ZNF764: variants seen among roughly 807,000 people sequenced by gnomAD.
ZNF764 encodes zinc finger protein 764.
ZNF764 carries 10 observed loss-of-function variants against 13.9 expected under a neutral mutation model. That is an observed-to-expected ratio of 0.72 (90% CI 0.44 to 1.22). ZNF764 has a LOEUF of 1.22. Among genes scored for constraint, ZNF764 ranks in the 50% most tolerant of loss-of-function variants. ZNF764 has a pLI of 0.00. For synonymous variants in ZNF764, 313 were observed against 255.1 expected (o/e 1.23, Z -2.16); for missense variants, 647 against 589.7 (o/e 1.10, Z -1.01).
chr16:30,555,395 G>T lies in ZNF764; in HGVS notation c.1023C>A (p.Pro341=). ...GGCGGCCGCACTGCGGGCAGGGGTA[G>T]GGCTTCTCGCCGCTGTGGGTGCGCC... The part of the protein sequence containing the change: ...AHRRTHSGEK[P]YPCPQCGRRF... The change falls in exon 3 of 3, where the codon CCC becomes CCA. Residue 341 remains proline, a synonymous_variant. Transcript: ENST00000395091. 3 of 1,568,186 alleles carry T rather than the reference G, an allele frequency of 1.9e-6. No homozygotes were observed. The highest frequency in any genetic ancestry group is 1.7e-6 in the Non-Finnish European group (2 of 1,152,962).
In ZNF764 at chr16:30,555,806, G is replaced by C; in HGVS notation, c.612C>G (p.Cys204Trp). The C allele has an allele frequency of 6.2e-7, 1 of 1,611,284 alleles. No individual in the cohort carries two copies. The highest frequency in any genetic ancestry group is 8.5e-7 in the Non-Finnish European group (1 of 1,179,884). Residue 204 changes from cysteine to tryptophan, a missense_variant, in exon 3 of 3, where the codon TGC becomes TGG. Transcript: ENST00000395091. ...GGCCGAAGCCCTTGCCGCAGTCAGT[G>C]CAGTGGAAGGGCTTCTCGCCAGTGT... Reference protein sequence around the residue: ...YSHTGEKPFHCTDCGKGFGHA... With the variant: ...YSHTGEKPFHWTDCGKGFGHA...
Position 30,555,606 on chromosome 16 carries a change from G to GT in ZNF764, c.811_812insA (p.Ser271TyrfsTer146). 6.5e-7 allele frequency: 1 copy of GT among 1,549,260 alleles called. No individual in the cohort carries two copies. Among genetic ancestry groups the GT allele is most frequent in the Non-Finnish European group, 8.7e-7 (1 of 1,152,724 alleles). ...CACGCGCCGGTGCTGGTAGAGGGCA[G>GT]AGCTCTGGCTGAAGCGGCGGCCACA... On this transcript the variant is annotated frameshift_variant, in exon 3 of 3. Transcript: ENST00000395091. LOFTEE classifies it low-confidence loss of function (END_TRUNC).
Position 30,556,059 on chromosome 16 carries a change from A to T in ZNF764, c.359T>A (p.Leu120Gln). The T allele has an allele frequency of 6.2e-7, 1 of 1,612,628 alleles. No individual in the cohort carries two copies. Among genetic ancestry groups the T allele is most frequent in the Non-Finnish European group, 8.5e-7 (1 of 1,180,030 alleles). The change falls in exon 3 of 3, where the codon CTG (leucine) becomes CAG (glutamine). Residue 120 changes from leucine (L) to glutamine (Q), a missense_variant. By Grantham distance (113) the Leu-to-Gln change is moderately radical. Coordinates refer to ENST00000395091, the MANE Select transcript of ZNF764 (RefSeq NM_001172679.2). ...GGCGGCCACAGGGTCGGGCTTCTCC[A>T]GGGCTCCCGTCCCTTCCCTTTGTCT... is the stretch of plus-strand genomic sequence containing the variant. The part of the protein sequence containing the change: ...KERQREGTGA[L>Q]EKPDPVAAGS...
chr16:30,555,053 G>C lies in ZNF764; in HGVS notation c.*141C>G. 1.0e-6 allele frequency: 1 copy of C among 994,668 alleles called. No homozygotes were observed. 61.6% of individuals were successfully genotyped at this position (994,668 alleles called of 1,614,324 possible). A position where few individuals can be genotyped will look rare whatever the true frequency, so the allele number is the denominator to read the frequency against. On this transcript the variant is annotated 3_prime_UTR_variant, in exon 3 of 3. Transcript: ENST00000395091. ...GGTGCTGGCAGAGGAGGCTGCTAAGGGCCCAAGATCAGACTGTCCGCACCC... is the reference window on the plus strand; with the variant it reads ...GGTGCTGGCAGAGGAGGCTGCTAAGCGCCCAAGATCAGACTGTCCGCACCC...
Position 30,555,227 on chromosome 16 carries a change from C to G in ZNF764, c.1191G>C (p.Gln397His), listed in dbSNP as rs762447550. ...ACTCCTGGAATATCTCCGGGTACAG[C>G]TGGAAGCCCACGGGCGGGTCCAGGT... ...HGDLDPPVGF[Q>H]LYPEIFQECG The change falls in exon 3 of 3, where the codon CAG becomes CAC. Residue 397 changes from glutamine (Q) to histidine (H), a missense_variant. Transcript: ENST00000395091. 2.5e-6 allele frequency: 4 copies of G among 1,611,348 alleles called. No individual in the cohort carries two copies. The highest frequency in any genetic ancestry group is 3.4e-6 in the Non-Finnish European group (4 of 1,178,880).
rs2051533044 is a variant in ZNF764, at chr16:30,554,761, A to G, written c.*433T>C. 6.4e-6 allele frequency: 1 copy of G among 155,926 alleles called. No individual in the cohort carries two copies. The allele number at this position is 155,926 out of a possible 1,614,324, so 9.7% of individuals were successfully genotyped here. On this transcript the variant is annotated 3_prime_UTR_variant, in exon 3 of 3. Transcript: ENST00000395091. ...ACACCACTGCACTCCAGCCTGGGTGACAGAGCAGGAAGCTGTCTCAGAAAT... is the reference window on the plus strand; with the variant it reads ...ACACCACTGCACTCCAGCCTGGGTGGCAGAGCAGGAAGCTGTCTCAGAAAT...
chr16:30,557,480 C>A (rs2051566498), intron 2 of ZNF764, among the ~76,000 whole-genome samples: 1 of 151,994 alleles, frequency 6.6e-6, no homozygotes, highest in Non-Finnish European at 1.5e-5. Flanking sequence ...ACAAAAACAC[C>A]AAAAAAAGCC....
chr16:30,555,025 C>G lies in ZNF764; in HGVS notation c.*169G>C, dbSNP rs2051535708. ...TTGGAGAGCCCTGGGCAGTGGGGAG[C>G]AAGGTGCTGGCAGAGGAGGCTGCTA... is the stretch of plus-strand genomic sequence containing the variant. On this transcript the variant is annotated 3_prime_UTR_variant, in exon 3 of 3. Transcript: ENST00000395091. 2.6e-6 allele frequency: 2 copies of G among 774,726 alleles called. No homozygotes were observed. Among genetic ancestry groups the G allele is most frequent in the Non-Finnish European group, 4.0e-6 (2 of 504,434 alleles). 48.0% of individuals were successfully genotyped at this position (774,726 alleles called of 1,614,324 possible). A position where few individuals can be genotyped will look rare whatever the true frequency, so the allele number is the denominator to read the frequency against.
Position 30,555,631 on chromosome 16 carries a change from A to G in ZNF764, c.787T>C (p.Cys263Arg), listed in dbSNP as rs2051545884. The G allele has an allele frequency of 6.5e-7, 1 of 1,537,964 alleles. No individual in the cohort carries two copies. The highest frequency in any genetic ancestry group is 8.7e-7 in the Non-Finnish European group (1 of 1,146,646). Residue 263 changes from cysteine (C) to arginine (R), a missense_variant, in exon 3 of 3, where the codon TGT becomes CGT. By Grantham distance (180) the Cys-to-Arg change is radical. Coordinates refer to ENST00000395091, the MANE Select transcript of ZNF764 (RefSeq NM_001172679.2). ...TGEKPYGCADCGRRFSQSSAL... is the reference protein window; with the variant it reads ...TGEKPYGCADRGRRFSQSSAL... ...GAGCTCTGGCTGAAGCGGCGGCCACAGTCGGCGCAGCCATAGGGTTTCTCG... is the reference window on the plus strand; with the variant it reads ...GAGCTCTGGCTGAAGCGGCGGCCACGGTCGGCGCAGCCATAGGGTTTCTCG...
rs2051554142 is a variant in ZNF764, at chr16:30,556,104, G to C, written c.314C>G (p.Ser105Cys). The C allele has an allele frequency of 2.5e-6, 4 of 1,610,594 alleles. No homozygotes were observed. The highest frequency in any genetic ancestry group is 1.3e-5 in the African/African-American group (1 of 74,874). Residue 105 changes from serine to cysteine, a missense_variant, in exon 3 of 3, where the codon TCC becomes TGC. Physicochemically the swap from Ser to Cys is moderately radical, Grantham distance 112 (BLOSUM62 -1). Transcript: ENST00000395091. ...AKCQTQTDPDSRNKKKERQRE... is the reference protein window; with the variant it reads ...AKCQTQTDPDCRNKKKERQRE... ...TTGTCTTTCCTTTTTCTTGTTTCTG[G>C]AATCTGCTGAGAGATAAAGAGGGGA...
chr16:30,558,162 CG>C lies in ZNF764; in HGVS notation c.20del (p.Pro7ArgfsTer20), dbSNP rs1477758915. 5 of 1,597,226 alleles carry C rather than the reference CG, an allele frequency of 3.1e-6. No homozygotes were observed. The highest frequency in any genetic ancestry group is 2.6e-6 in the Non-Finnish European group (3 of 1,176,236). ...CCCCGTTTGGGTCCCGGGGAGGGAG[CG>C]GGGCCAGAGGCGGCGCCATGGTAAC... is the stretch of plus-strand genomic sequence containing the variant. MAPPLA[P>X]LPPRDPNGAG... On this transcript the variant is annotated frameshift_variant, in exon 1 of 3. Transcript: ENST00000395091. LOFTEE classifies it high-confidence loss of function.
rs745390925 is a variant in ZNF764, at chr16:30,558,102, G to C, written c.81C>G (p.Ser27Arg). The C allele has an allele frequency of 1.9e-6, 3 of 1,610,460 alleles. No homozygotes were observed. The African/African-American group carries it at 4.0e-5, about 21-fold the overall frequency. ...GPEWREPGAV[S>R]FADVAVYFCR... is the part of the protein sequence containing the mutation. ...AGAAGTACACGGCCACGTCCGCGAA[G>C]CTCACAGCCCCCGGCTCCCTCCACT... is the stretch of plus-strand genomic sequence containing the variant. The change falls in exon 1 of 3, where the codon AGC becomes AGG. Residue 27 changes from serine (S) to arginine (R), a missense_variant. Physicochemically the swap from Ser to Arg is moderately radical, Grantham distance 110. Transcript: ENST00000395091.
rs770932668 is a variant in ZNF764, at chr16:30,557,842, G to A, written c.201C>T (p.Ile67=). The change falls in exon 2 of 3, where the codon ATC becomes ATT. Residue 67 remains isoleucine, a synonymous_variant. Coordinates refer to ENST00000395091, the MANE Select transcript of ZNF764 (RefSeq NM_001172679.2). Reference sequence around the variant, plus strand: ...AGATGAGAGCTGGCTTGTTGCCTCCGATTCCTAGGGAAGAAGAACGCAAAC... The same window carrying A: ...AGATGAGAGCTGGCTTGTTGCCTCCAATTCCTAGGGAAGAAGAACGCAAAC... ...ETYGHLSALG[I]GGNKPALISW... is the part of the protein sequence containing the mutation. 18 of 1,603,148 alleles carry A rather than the reference G, an allele frequency of 1.1e-5. No individual in the cohort carries two copies. The highest frequency in any genetic ancestry group is 1.4e-5 in the Non-Finnish European group (17 of 1,174,798).
intron 2 of ZNF764, among the ~76,000 whole-genome samples, chr16:30,556,933 G>A (rs1242375839): frequency 6.6e-6 from 1 of 152,160 alleles, no homozygotes; most frequent in South Asian, 2.1e-4. Context: ...TCAGAAGTTC[G>A]AGACCAGCCT....
At chr16:30,556,200 C>T in intron 2 of ZNF764, 93 bp from the exon 3 acceptor site, 3 of 1,459,770 alleles carry the variant, frequency 2.1e-6, no homozygotes, top group Admixed American at 3.5e-5. Context: ...CCTGCTGGAT[C>T]CCCGGCTGCT....
In ZNF764 at chr16:30,555,472, A is replaced by T; in HGVS notation, c.946T>A (p.Cys316Ser). Reference protein sequence around the residue: ...RTHTGEKPYPCPDCGRCFRQS... With the variant: ...RTHTGEKPYPSPDCGRCFRQS... ...CGGAAGCAGCGCCCGCAGTCCGGGC[A>T]CGGGTAGGGCTTCTCGCCGGTGTGG... is the stretch of plus-strand genomic sequence containing the variant. The change falls in exon 3 of 3, where the codon TGC (cysteine) becomes AGC (serine). Residue 316 changes from cysteine (C) to serine (S), a missense_variant. Transcript: ENST00000395091. The T allele has an allele frequency of 1.3e-6, 2 of 1,557,952 alleles. No individual in the cohort carries two copies. The highest frequency in any genetic ancestry group is 1.7e-6 in the Non-Finnish European group (2 of 1,155,320).
In ZNF764 at chr16:30,555,824, G is replaced by A. The variant is rs771720292; in HGVS notation, c.594C>T (p.Gly198=). ...AGTCAGTGCAGTGGAAGGGCTTCTC[G>A]CCAGTGTGACTGTAGACGTGCTCCA... is the stretch of plus-strand genomic sequence containing the variant. ...TLVEHVYSHT[G]EKPFHCTDCG... is the part of the protein sequence containing the mutation. Residue 198 remains glycine, a synonymous_variant, in exon 3 of 3, where the codon GGC becomes GGT. Coordinates refer to ENST00000395091, the MANE Select transcript of ZNF764 (RefSeq NM_001172679.2). 6.8e-6 allele frequency: 11 copies of A among 1,611,664 alleles called. No individual in the cohort carries two copies. In the East Asian group the frequency reaches 1.1e-4, roughly 16 times the overall value.
chr16:30,555,951 C>CG lies in ZNF764; in HGVS notation c.466dup (p.Arg156ProfsTer16). The CG allele has an allele frequency of 6.2e-7, 1 of 1,611,512 alleles. No individual in the cohort carries two copies. The highest frequency in any genetic ancestry group is 8.5e-7 in the Non-Finnish European group (1 of 1,179,640). ...GTGGGCACAGAGGGAGGGGCGTCCC[C>CG]GGTGCGGTGCCTTGGACAGCTGCTC... On this transcript the variant is annotated frameshift_variant, in exon 3 of 3. Transcript: ENST00000395091. LOFTEE classifies it low-confidence loss of function (END_TRUNC).
chr16:30,555,460 C>A lies in ZNF764; in HGVS notation c.958G>T (p.Gly320Trp), dbSNP rs919473844. 1 of 1,546,744 alleles carries A rather than the reference C, an allele frequency of 6.5e-7. No homozygotes were observed. The highest frequency in any genetic ancestry group is 2.3e-5 in the East Asian group (1 of 44,030). Residue 320 changes from glycine (G) to tryptophan (W), a missense_variant, in exon 3 of 3, where the codon GGG (glycine) becomes TGG (tryptophan). Physicochemically the swap from Gly to Trp is radical, Grantham distance 184 (BLOSUM62 -2). Transcript: ENST00000395091. ...GEKPYPCPDC[G>W]RCFRQSSEMA... is the part of the protein sequence containing the mutation. Reference sequence around the variant, plus strand: ...TCCGAGCTCTGGCGGAAGCAGCGCCCGCAGTCCGGGCACGGGTAGGGCTTC... The same window carrying A: ...TCCGAGCTCTGGCGGAAGCAGCGCCAGCAGTCCGGGCACGGGTAGGGCTTC...
Sources: gnomAD v4.1 joint callset for allele counts (sites outside exome capture counted in the v4.1 genomes callset) on GRCh38, gnomAD v4.1.1 for gene constraint, MANE v1.5 for transcripts, NCBI Gene and HGNC (gene_info 2026-07-23, HGNC 2026-07-21) for gene names.